Variants in SNTG2 observed in about 807,000 individuals in gnomAD.
The protein encoded by SNTG2 is gamma-2-syntrophin.
A neutral mutation model predicts 70.9 loss-of-function variants in SNTG2; 74 were observed. The observed-to-expected ratio is 1.04, with a 90% CI of 0.86 to 1.27. The LOEUF is 1.27. SNTG2 is among the 50% of genes most tolerant of loss of function. The pLI, the probability that SNTG2 is intolerant of heterozygous loss-of-function variation, is 0.00. For missense variants in SNTG2, 717 were observed against 690.7 expected (o/e 1.04, Z -0.43); for synonymous variants, 278 against 273.8 (o/e 1.02, Z -0.15).
In SNTG2 at chr2:1,073,241, G is replaced by A. The variant is rs1007140232; in HGVS notation, c.73-10277G>A. 8.5e-5 allele frequency among the ~76,000 whole-genome samples: 13 copies of A among 152,306 alleles called. No homozygotes were observed. In the East Asian group the frequency reaches 9.7e-4, roughly 11 times the overall value. ...CTACCAAACAGCATCAAATGCTACA[G>A]AGAAATCTTTCATGAAAGGAAGAGT... is the stretch of plus-strand genomic sequence containing the variant. On this transcript the variant is annotated intron_variant, in intron 1 of 16. Coordinates refer to ENST00000308624, the MANE Select transcript of SNTG2 (RefSeq NM_018968.4).
intron 1 of SNTG2, among the ~76,000 whole-genome samples, chr2:979,005 G>A (rs1439564273): frequency 6.6e-6 from 1 of 152,232 alleles, no homozygotes; most frequent in Non-Finnish European, 1.5e-5. Flanking sequence ...TTGGATGTGT[G>A]TAAACCAAGG....
chr2:1,206,834 T>G (rs1673661335), intron 8 of SNTG2, among the ~76,000 whole-genome samples: 1 of 152,230 alleles, frequency 6.6e-6, no homozygotes, highest in South Asian at 2.1e-4. Context: ...CTATTTTGTT[T>G]ATTTAAATAT....
Position 1,322,952 on chromosome 2 carries a change from T to C in SNTG2, c.1488+6577T>C, listed in dbSNP as rs1681598184. Among the ~76,000 whole-genome samples the C allele has an allele frequency of 2.0e-5, 3 of 152,202 alleles. No individual in the cohort carries two copies. The South Asian group carries it at 6.2e-4, about 31-fold the overall frequency. On this transcript the variant is annotated intron_variant, in intron 16 of 16. Coordinates refer to ENST00000308624, the MANE Select transcript of SNTG2 (RefSeq NM_018968.4). ...CCGCCGCTCAAGGCCATTTCATTCA[T>C]AGGGCACATTCACTTTGTAAAACTC...
chr2:1,134,107 G>A (rs1668200858), intron 4 of SNTG2, among the ~76,000 whole-genome samples: 4 of 152,138 alleles, frequency 2.6e-5, no homozygotes, highest in Admixed American at 2.6e-4. Flanking sequence ...CTGTGGGTTT[G>A]TGGTCTCGCT....
intron 6 of SNTG2, among the ~76,000 whole-genome samples, chr2:1,157,411 C>T (rs1669974741): frequency 6.6e-6 from 1 of 152,330 alleles, no homozygotes; most frequent in African/African-American, 2.4e-5. Flanking sequence ...CTTGTGCGTA[C>T]TTGGCAAAAG....
intron 1 of SNTG2, among the ~76,000 whole-genome samples, chr2:994,152 T>C (rs1174670381): frequency 1.3e-5 from 2 of 152,112 alleles, no homozygotes; most frequent in Non-Finnish European, 2.9e-5. Context: ...GGGTCTATTC[T>C]GAGTATATTT....
chr2:1,200,947 A>G lies in SNTG2; in HGVS notation c.592-8156A>G, dbSNP rs984502209. On this transcript the variant is annotated intron_variant, in intron 8 of 16. Coordinates refer to ENST00000308624, the MANE Select transcript of SNTG2 (RefSeq NM_018968.4). Reference sequence around the variant, plus strand: ...AATAGAAGTCTTATACACTGTTTTTAGAAATGTACGTTAGTACAACCACTC... The same window carrying G: ...AATAGAAGTCTTATACACTGTTTTTGGAAATGTACGTTAGTACAACCACTC... 5.3e-5 allele frequency among the ~76,000 whole-genome samples: 8 copies of G among 152,046 alleles called. 1 individual carries two copies. The highest frequency in any genetic ancestry group is 4.6e-4 in the Admixed American group (7 of 15,272).
chr2:1,026,875 G>A (rs983568962), intron 1 of SNTG2, among the ~76,000 whole-genome samples: 5 of 152,052 alleles, frequency 3.3e-5, no homozygotes, highest in African/African-American at 1.2e-4. Flanking sequence ...CCCTGCCCTT[G>A]GCCTCCTTCT....
At chr2:1,031,528 A>ATATATATATATATATTTTTTTTTTT in intron 1 of SNTG2, among the ~76,000 whole-genome samples, 14 of 59,102 alleles carry the variant, frequency 2.4e-4, no homozygotes, top group Admixed American at 6.2e-4. Context: ...ATATATATAT[A>ATATATATATATATATTTTTTTTTTT]TTTTTTTTTT....
chr2:1,331,969 G>C (rs954753445), intron 16 of SNTG2, among the ~76,000 whole-genome samples: 1 of 151,844 alleles, frequency 6.6e-6, no homozygotes, highest in Admixed American at 6.6e-5. Context: ...CCCTCCAGCT[G>C]TTCTTCACGA....
intron 1 of SNTG2, 75 bp from the exon 2 acceptor site, chr2:1,083,443 G>A (rs1217024764): frequency 7.5e-5 from 113 of 1,515,790 alleles, no homozygotes; most frequent in Non-Finnish European, 1.0e-4. Flanking sequence ...TTGAGCAGGA[G>A]GCGTGCGTCA....
At chr2:1,154,882 CCACA>C (rs748198145) in intron 6 of SNTG2, among the ~76,000 whole-genome samples, 1 of 150,442 alleles carries the variant, frequency 6.6e-6, no homozygotes, top group Non-Finnish European at 1.5e-5. Context: ...CACAAACACA[CCACA>C]CACACAAAGA....
intron 1 of SNTG2, among the ~76,000 whole-genome samples, chr2:1,060,568 A>G (rs1368320930): frequency 6.6e-6 from 1 of 152,234 alleles, no homozygotes; most frequent in East Asian, 1.9e-4. Context: ...TGTGTTAAGT[A>G]TAAGGTTCAT....
At chr2:1,085,142 T>G (rs1253939748) in intron 2 of SNTG2, among the ~76,000 whole-genome samples, 1 of 152,138 alleles carries the variant, frequency 6.6e-6, no homozygotes, top group Non-Finnish European at 1.5e-5. Context: ...TAACCATTAT[T>G]TTTTTTCCTC....
chr2:1,202,901 A>C (rs761992767), intron 8 of SNTG2, among the ~76,000 whole-genome samples: 6 of 152,232 alleles, frequency 3.9e-5, no homozygotes, highest in Non-Finnish European at 7.3e-5. Context: ...CTTATAACAG[A>C]GCTCCCAAAT....
chr2:1,200,816 G>A (rs892151991), intron 8 of SNTG2, among the ~76,000 whole-genome samples: 4 of 151,844 alleles, frequency 2.6e-5, no homozygotes, highest in African/African-American at 9.7e-5. Context: ...TAATCATCAG[G>A]GAAATGAAAA....
At chr2:1,235,412 C>T (rs1676563946) in intron 9 of SNTG2, among the ~76,000 whole-genome samples, 1 of 134,086 alleles carries the variant, frequency 7.5e-6, no homozygotes, top group Non-Finnish European at 1.6e-5. Flanking sequence ...TCCCTGCAGG[C>T]CCCACCAGGC....
chr2:1,238,398 T>C (rs967858278), intron 10 of SNTG2, among the ~76,000 whole-genome samples: 7 of 152,180 alleles, frequency 4.6e-5, no homozygotes, highest in African/African-American at 1.7e-4. Flanking sequence ...GGAAACCTAA[T>C]TGAGTTAAAA....
intron 6 of SNTG2, chr2:1,160,881 G>A (rs1359440012): frequency 6.6e-6 from 1 of 152,338 alleles, no homozygotes; most frequent in African/African-American, 2.4e-5. Flanking sequence ...AGGAACCTCT[G>A]CTGCTGAGAA....
Sources: allele counts gnomAD v4.1 joint callset (sites outside exome capture counted in the v4.1 genomes callset), GRCh38; gene constraint gnomAD v4.1.1; transcripts MANE v1.5; gene names NCBI Gene and HGNC (gene_info 2026-07-23, HGNC 2026-07-21).